PNO1: variants seen among roughly 807,000 people sequenced by gnomAD.
PNO1 encodes the protein RNA-binding protein PNO1.
PNO1 carries 16 observed loss-of-function variants against 28.4 expected under a neutral mutation model. That is an observed-to-expected ratio of 0.56 (90% CI 0.38 to 0.85). The LOEUF is 0.85. Ranked by LOEUF, PNO1 falls within the 40% of genes least tolerant of loss-of-function variation. The pLI is 0.00. For missense variants in PNO1, 304 were observed against 312.2 expected, an observed-to-expected ratio of 0.97 and a Z score of 0.20; for synonymous variants, 115 against 110.8, an observed-to-expected ratio of 1.04 and a Z score of -0.24.
intron 2 of PNO1, among the ~76,000 whole-genome samples, chr2:68,160,008 G>C (rs1673789294): frequency 8.2e-6 from 1 of 122,162 alleles, no homozygotes; most frequent in African/African-American, 3.3e-5. Context: ...TTGCTCCGTT[G>C]CCCAGGCTGG....
intron 2 of PNO1, among the ~76,000 whole-genome samples, chr2:68,159,146 T>C (rs116408959): frequency 0.017 from 2,591 of 152,354 alleles, 44 homozygotes; most frequent in South Asian, 0.056. Flanking sequence ...CACCATGGTA[T>C]GAGCGGTTGG....
intron 5 of PNO1, among the ~76,000 whole-genome samples, chr2:68,171,861 A>C (rs977276777): frequency 1.3e-5 from 2 of 152,156 alleles, no homozygotes; most frequent in Non-Finnish European, 2.9e-5. Flanking sequence ...AGGGCAGTGA[A>C]GGTGAGTAGG....
intron 5 of PNO1, among the ~76,000 whole-genome samples, chr2:68,168,376 T>TG (rs1403351831): frequency 1.3e-5 from 2 of 152,190 alleles, no homozygotes; most frequent in Non-Finnish European, 1.5e-5. Context: ...TACCAGTCCA[T>TG]GGTCAGTGAT....
At chr2:68,172,589 G>A (rs957182415) in intron 5 of PNO1, among the ~76,000 whole-genome samples, 5 of 152,188 alleles carry the variant, frequency 3.3e-5, no homozygotes, top group African/African-American at 1.2e-4. Flanking sequence ...GATCCTCAGA[G>A]CCCTGAAGAA....
rs10170084 is a variant in PNO1 at position 68,167,602 on chromosome 2, C to T, written c.620+4939C>T. ...TTAAATCCTGGTGTTTGCTTCTCTTCTTTACTAATAATTGCCCTTTGTGAC... is the reference window on the plus strand; with the variant it reads ...TTAAATCCTGGTGTTTGCTTCTCTTTTTTACTAATAATTGCCCTTTGTGAC... On this transcript the variant is annotated intron_variant, in intron 5 of 6. Coordinates refer to ENST00000263657, the MANE Select transcript of PNO1 (RefSeq NM_020143.4). Among the ~76,000 whole-genome samples, 571 of 152,300 alleles carry T rather than the reference C, an allele frequency of 3.7e-3. 2 individuals carry two copies. The highest frequency in any genetic ancestry group is 0.013 in the African/African-American group (553 of 41,568).
At chr2:68,161,891 CTG>C (rs1455273637) in intron 3 of PNO1, 125 bp downstream of exon 3, 1 of 662,118 alleles carries the variant, frequency 1.5e-6, no homozygotes, top group Non-Finnish European at 2.6e-6. Flanking sequence ...TCTCAGCACT[CTG>C]GGAGGCTGAG....
chr2:68,170,609 G>A (rs545389544), intron 5 of PNO1, among the ~76,000 whole-genome samples: 5 of 152,024 alleles, frequency 3.3e-5, no homozygotes, highest in South Asian at 4.2e-4. Context: ...TTAGTCGGGC[G>A]TGGTGGTGGG....
intron 5 of PNO1, among the ~76,000 whole-genome samples, chr2:68,169,328 T>C (rs1238770466): frequency 6.6e-6 from 1 of 152,126 alleles, no homozygotes; most frequent in African/African-American, 2.4e-5. Context: ...GTTGGGTGGG[T>C]CCTATGGTCC....
At chr2:68,173,559 C>A in intron 6 of PNO1, 142 bp downstream of exon 6, 1 of 515,970 alleles carries the variant, frequency 1.9e-6, no homozygotes, top group Non-Finnish European at 3.5e-6. Context: ...AAAGGTGGGC[C>A]TAGAGAAGGA....
At chr2:68,167,427 AG>A (rs1303515901) in intron 5 of PNO1, among the ~76,000 whole-genome samples, 1 of 152,212 alleles carries the variant, frequency 6.6e-6, no homozygotes, top group Non-Finnish European at 1.5e-5. Flanking sequence ...TCCTTGTGCA[AG>A]CCTTCTTGTA....
intron 5 of PNO1, among the ~76,000 whole-genome samples, chr2:68,172,659 A>G (rs1490305639): frequency 2.0e-5 from 3 of 152,230 alleles, no homozygotes; most frequent in South Asian, 2.1e-4. Context: ...AATTGAGTAC[A>G]GTATTGCATT....
In PNO1 at chr2:68,174,864, C is replaced by A; in HGVS notation, c.*62C>A. 4.8e-6 allele frequency: 5 copies of A among 1,043,242 alleles called. No individual in the cohort carries two copies. The South Asian group carries it at 5.4e-5, about 11-fold the overall frequency. The allele number at this position is 1,043,242 out of a possible 1,614,324, so 64.6% of individuals were successfully genotyped here. A position where few individuals can be genotyped will look rare whatever the true frequency, so the allele number is the denominator to read the frequency against. On this transcript the variant is annotated 3_prime_UTR_variant, in exon 7 of 7. Coordinates refer to ENST00000263657, the MANE Select transcript of PNO1 (RefSeq NM_020143.4). ...CTGGTGAAAAATACTTTACAGTGGTCGGTCACAAGAAACCAGCTGAACAAT... is the reference window on the plus strand; with the variant it reads ...CTGGTGAAAAATACTTTACAGTGGTAGGTCACAAGAAACCAGCTGAACAAT...
Position 68,171,428 on chromosome 2 carries a change from T to G in PNO1, c.621-1919T>G, listed in dbSNP as rs560595395. Among the ~76,000 whole-genome samples the G allele has an allele frequency of 1.1e-4, 16 of 152,352 alleles. No individual in the cohort carries two copies. In the East Asian group the frequency reaches 2.7e-3, roughly 26 times the overall value. On this transcript the variant is annotated intron_variant, in intron 5 of 6. Coordinates refer to ENST00000263657, the MANE Select transcript of PNO1 (RefSeq NM_020143.4). ...CTTCTTGATATTCCTGCTGCTGATT[T>G]AGGCATCAGTTGACTTCGGTCTGCA...
chr2:68,162,202 A>G, intron 3 of PNO1, 63 bp from the exon 4 acceptor site: 1 of 1,228,634 alleles, frequency 8.1e-7, no homozygotes, highest in Non-Finnish European at 1.2e-6. Flanking sequence ...AGTGCTTTGC[A>G]CTTTACTCTT....
intron 5 of PNO1, among the ~76,000 whole-genome samples, chr2:68,165,361 C>A (rs1383660522): frequency 4.0e-5 from 2 of 49,436 alleles, no homozygotes; most frequent in Non-Finnish European, 6.7e-5. Flanking sequence ...GAGACTCCGT[C>A]TCAAAAAAAA....
At chr2:68,166,559 G>A (rs186992891) in intron 5 of PNO1, among the ~76,000 whole-genome samples, 88 of 152,260 alleles carry the variant, frequency 5.8e-4, no homozygotes, top group Admixed American at 3.9e-3. Context: ...TGTGGAAGGC[G>A]AGGCAGGAGA....
At chr2:68,173,277 A>G in intron 5 of PNO1, 70 bp from the exon 6 acceptor site, 1 of 961,864 alleles carries the variant, frequency 1.0e-6, no homozygotes, top group Non-Finnish European at 1.7e-6. Context: ...TTGGCCTTCC[A>G]AAGTGCTGGG....
At chr2:68,174,197 T>A (rs1378740613) in intron 6 of PNO1, among the ~76,000 whole-genome samples, 1 of 152,122 alleles carries the variant, frequency 6.6e-6, no homozygotes, top group African/African-American at 2.4e-5. Context: ...GTGATTGGCT[T>A]CTTTTTGAAA....
At chr2:68,159,458 G>T (rs1482876566) in intron 2 of PNO1, among the ~76,000 whole-genome samples, 1 of 151,440 alleles carries the variant, frequency 6.6e-6, no homozygotes, top group African/African-American at 2.4e-5. Context: ...ATCACATCTC[G>T]GCCTCCCAAA....
Sources: allele counts gnomAD v4.1 joint callset (sites outside exome capture counted in the v4.1 genomes callset), GRCh38; gene constraint gnomAD v4.1.1; transcripts MANE v1.5; gene names NCBI Gene and HGNC (gene_info 2026-07-23, HGNC 2026-07-21).